CACNB2: variants seen among roughly 807,000 people sequenced by gnomAD.
The protein encoded by CACNB2 is voltage-dependent L-type calcium channel subunit beta-2.
A neutral mutation model predicts 73.3 loss-of-function variants in CACNB2; 42 were observed. The ratio of observed to expected loss-of-function variants is 0.57; its 90% CI spans 0.45 to 0.74. The LOEUF is 0.74. Among genes scored for constraint, CACNB2 ranks in the 30% least tolerant of loss-of-function variants. The probability of loss-of-function intolerance (pLI) is 0.00; values close to 1 mark genes in which losing one functional copy is unlikely to be tolerated. For synonymous variants in CACNB2, 348 were observed against 310.3 expected, an observed-to-expected ratio of 1.12 and a Z score of -1.28; for missense variants, 940 against 853.0, an observed-to-expected ratio of 1.10 and a Z score of -1.27.
chr10:18,285,405 C>T (rs1314600417), intron 2 of CACNB2, among the ~76,000 whole-genome samples: 1 of 152,220 alleles, frequency 6.6e-6, no homozygotes, highest in Non-Finnish European at 1.5e-5. Context: ...ACATGTTTTT[C>T]TGTGGTCACC....
intron 2 of CACNB2, among the ~76,000 whole-genome samples, chr10:18,233,812 C>G (rs1028376542): frequency 6.6e-6 from 1 of 152,148 alleles, no homozygotes; most frequent in African/African-American, 2.4e-5. Context: ...TCCCCGCTCC[C>G]AAGAGCTTAT....
intron 10 of CACNB2, among the ~76,000 whole-genome samples, chr10:18,529,782 T>C (rs2052815125): frequency 6.6e-6 from 1 of 152,264 alleles, no homozygotes; most frequent in Non-Finnish European, 1.5e-5. Context: ...ATCATGTGTT[T>C]CGCTTATAGC....
At chr10:18,532,676 C>CAA (rs1219587375) in intron 10 of CACNB2, among the ~76,000 whole-genome samples, 4,340 of 91,678 alleles carry the variant, frequency 0.047, 309 homozygotes, top group Non-Finnish European at 0.072. Context: ...GACTCTGTCT[C>CAA]AAAAAAAAAA....
At chr10:18,446,202 A>C (rs985537508) in intron 3 of CACNB2, among the ~76,000 whole-genome samples, 1 of 152,206 alleles carries the variant, frequency 6.6e-6, no homozygotes, top group African/African-American at 2.4e-5. Flanking sequence ...TGAAGCATGA[A>C]GCACAGAAGA....
At chr10:18,190,205 G>A (rs1274683849) in intron 2 of CACNB2, among the ~76,000 whole-genome samples, 1 of 152,144 alleles carries the variant, frequency 6.6e-6, no homozygotes, top group Non-Finnish European at 1.5e-5. Context: ...CATGCTCTCT[G>A]GGATTTGCAC....
chr10:18,307,947 G>A (rs2039797684), intron 2 of CACNB2, among the ~76,000 whole-genome samples: 1 of 143,512 alleles, frequency 7.0e-6, no homozygotes, highest in African/African-American at 2.6e-5. Flanking sequence ...GAAATTAAAA[G>A]GTAGGATAAC....
At chr10:18,374,450 G>A (rs7072365) in intron 2 of CACNB2, among the ~76,000 whole-genome samples, 2 of 152,088 alleles carry the variant, frequency 1.3e-5, no homozygotes, top group Admixed American at 6.5e-5. Context: ...AGGCAAGGCC[G>A]GGTACAGTGG....
chr10:18,421,293 G>GT (rs749905752), intron 3 of CACNB2, among the ~76,000 whole-genome samples: 183 of 146,864 alleles, frequency 1.2e-3, no homozygotes, highest in Middle Eastern at 3.4e-3. Context: ...GGTTTTTTTT[G>GT]TTTTTTTGTT....
chr10:18,380,541 G>A (rs1362779659), intron 2 of CACNB2, among the ~76,000 whole-genome samples: 2 of 137,872 alleles, frequency 1.5e-5, no homozygotes, highest in African/African-American at 2.7e-5. Flanking sequence ...TGTAACCTCC[G>A]CCTCCTAGGT....
At chr10:18,227,436 A>G (rs1022219073) in intron 2 of CACNB2, among the ~76,000 whole-genome samples, 1 of 152,146 alleles carries the variant, frequency 6.6e-6, no homozygotes, top group African/African-American at 2.4e-5. Flanking sequence ...CTCGGAATGA[A>G]CTGATGGATG....
At chr10:18,242,761 G>A (rs779475519) in intron 2 of CACNB2, among the ~76,000 whole-genome samples, 15 of 151,420 alleles carry the variant, frequency 9.9e-5, no homozygotes, top group Admixed American at 2.0e-4. Flanking sequence ...GAGGCAGGTG[G>A]ATCACGAGGT....
chr10:18,365,197 T>A (rs1381938606), intron 2 of CACNB2, among the ~76,000 whole-genome samples: 2 of 152,206 alleles, frequency 1.3e-5, no homozygotes, highest in African/African-American at 4.8e-5. Flanking sequence ...TTGTGTTTCC[T>A]GCCCCTGAGT....
intron 2 of CACNB2, among the ~76,000 whole-genome samples, chr10:18,248,712 A>G (rs948954930): frequency 6.6e-6 from 1 of 152,092 alleles, no homozygotes; most frequent in Non-Finnish European, 1.5e-5. Context: ...CTGTAATTTT[A>G]TATCTTTGTA....
intron 2 of CACNB2, among the ~76,000 whole-genome samples, chr10:18,191,345 C>A (rs568203211): frequency 2.6e-5 from 4 of 152,326 alleles, no homozygotes; most frequent in African/African-American, 7.2e-5. Context: ...CAGCTGCCCC[C>A]CGTGTATTGC....
chr10:18,162,326 G>A (rs1012278366), intron 2 of CACNB2, among the ~76,000 whole-genome samples: 4 of 152,106 alleles, frequency 2.6e-5, no homozygotes, highest in South Asian at 2.1e-4. Flanking sequence ...GCTGAAGCAA[G>A]GAGAAAACCC....
intron 3 of CACNB2, among the ~76,000 whole-genome samples, chr10:18,467,318 G>T (rs1323630246): frequency 6.6e-6 from 1 of 152,208 alleles, no homozygotes; most frequent in Non-Finnish European, 1.5e-5. Flanking sequence ...CAACACTGGT[G>T]TTCAAATTCA....
intron 2 of CACNB2, among the ~76,000 whole-genome samples, chr10:18,384,432 A>G (rs549551030): frequency 9.2e-5 from 14 of 152,260 alleles, no homozygotes; most frequent in South Asian, 8.3e-4. Flanking sequence ...TTAAAGTAGT[A>G]TGAATATGGT....
At chr10:18,386,297 G>A (rs374561419) in intron 2 of CACNB2, among the ~76,000 whole-genome samples, 7 of 151,070 alleles carry the variant, frequency 4.6e-5, no homozygotes, top group African/African-American at 1.7e-4. Flanking sequence ...ATTATAAGAT[G>A]TATTAATATA....
chr10:18,510,229 A>G (rs1166075913), intron 6 of CACNB2, among the ~76,000 whole-genome samples: 1 of 152,202 alleles, frequency 6.6e-6, no homozygotes. Flanking sequence ...GTAAATTTCA[A>G]ACCTGACTCA....
Sources: allele counts gnomAD v4.1 joint callset (sites outside exome capture counted in the v4.1 genomes callset), GRCh38; gene constraint gnomAD v4.1.1; transcripts MANE v1.5; gene names NCBI Gene and HGNC (gene_info 2026-07-23, HGNC 2026-07-21).